CDK8: variants seen among roughly 807,000 people sequenced by gnomAD.
CDK8 encodes the protein cyclin dependent kinase 8.
In CDK8, 29 loss-of-function variants were observed where a neutral mutation model predicts 71.5. That is an observed-to-expected ratio of 0.41 (90% CI 0.30 to 0.55). The LOEUF is 0.55. Among genes scored for constraint, CDK8 ranks in the 20% least tolerant of loss-of-function variants. The probability of loss-of-function intolerance (pLI) is 0.37; values close to 1 mark genes in which losing one functional copy is unlikely to be tolerated. For missense variants in CDK8, 288 were observed against 572.6 expected (o/e 0.50, Z 5.07); for synonymous variants, 161 against 192.1 (o/e 0.84, Z 1.34).
intron 1 of CDK8, among the ~76,000 whole-genome samples, chr13:26,312,655 A>G (rs550923146): frequency 2.2e-4 from 33 of 152,292 alleles, no homozygotes; most frequent in Non-Finnish European, 3.4e-4. Flanking sequence ...ACTCACCTCT[A>G]GGGTCCGCGG....
intron 1 of CDK8, among the ~76,000 whole-genome samples, chr13:26,334,423 T>C (rs1303795652): frequency 6.6e-6 from 1 of 152,216 alleles, no homozygotes; most frequent in Non-Finnish European, 1.5e-5. Context: ...AATAGACTAT[T>C]CTGATTCCAA....
At chr13:26,397,851 G>A (rs1021851078) in intron 9 of CDK8, among the ~76,000 whole-genome samples, 5 of 152,138 alleles carry the variant, frequency 3.3e-5, no homozygotes, top group African/African-American at 9.7e-5. Flanking sequence ...AATTTCCATT[G>A]TTACAGCGTA....
rs576064399 is a variant in CDK8 at position 26,373,121 on chromosome 13, C to T, written c.457-9693C>T. 2.0e-4 allele frequency among the ~76,000 whole-genome samples: 30 copies of T among 152,272 alleles called. No individual in the cohort carries two copies. In the East Asian group the frequency reaches 3.9e-3, roughly 20 times the overall value. ...AGTAACCCTTTCCTCTGGCTAGTTC[C>T]TTCTCATCCTTCAATCCTTAAACGT... On this transcript the variant is annotated intron_variant, in intron 4 of 12. Coordinates refer to ENST00000381527, the MANE Select transcript of CDK8 (RefSeq NM_001260.3).
chr13:26,310,354 G>A (rs1327044143), intron 1 of CDK8, among the ~76,000 whole-genome samples: 1 of 152,066 alleles, frequency 6.6e-6, no homozygotes, highest in African/African-American at 2.4e-5. Flanking sequence ...TTGGCACCAG[G>A]GACTGGTTTT....
intron 1 of CDK8, among the ~76,000 whole-genome samples, chr13:26,294,045 A>G (rs757615982): frequency 1.6e-4 from 25 of 152,280 alleles, no homozygotes; most frequent in African/African-American, 2.9e-4. Flanking sequence ...CTTATTTCAC[A>G]TAACAACATA....
At chr13:26,355,621 TAAAAG>T (rs925701706) in intron 4 of CDK8, among the ~76,000 whole-genome samples, 1 of 151,936 alleles carries the variant, frequency 6.6e-6, no homozygotes, top group Non-Finnish European at 1.5e-5. Flanking sequence ...CTCTAAAAAA[TAAAAG>T]AAAACAAAAA....
chr13:26,338,797 G>A (rs1873100226), intron 2 of CDK8, among the ~76,000 whole-genome samples: 1 of 152,132 alleles, frequency 6.6e-6, no homozygotes, highest in Non-Finnish European at 1.5e-5. Flanking sequence ...GGTCAGTGGT[G>A]TTAGAAGTCA....
rs535593238 is a variant in CDK8 at position 26,273,592 on chromosome 13, CT to C, written c.128+18828del. Among the ~76,000 whole-genome samples the C allele has an allele frequency of 6.6e-5, 10 of 151,896 alleles. No individual in the cohort carries two copies. The South Asian group carries it at 2.1e-3, about 32-fold the overall frequency. On this transcript the variant is annotated intron_variant, in intron 1 of 12. Transcript: ENST00000381527. ...ATGATATACTTGGAACACAGTTTAA[CT>C]TTTTCTGTGCAGTTCAGACTAACTA...
At chr13:26,303,284 A>G (rs1873901146) in intron 1 of CDK8, among the ~76,000 whole-genome samples, 2 of 151,018 alleles carry the variant, frequency 1.3e-5, no homozygotes, top group South Asian at 4.2e-4. Flanking sequence ...TATTATTGGT[A>G]CTTGGATTAT....
intron 4 of CDK8, among the ~76,000 whole-genome samples, chr13:26,379,233 C>T (rs956642256): frequency 2.0e-5 from 3 of 152,264 alleles, no homozygotes; most frequent in South Asian, 4.1e-4. Flanking sequence ...CATGCCCAAA[C>T]GGAATCTGAA....
At chr13:26,339,209 A>C (rs1873119248) in intron 2 of CDK8, among the ~76,000 whole-genome samples, 1 of 152,036 alleles carries the variant, frequency 6.6e-6, no homozygotes, top group African/African-American at 2.4e-5. Flanking sequence ...CTGATTGTGA[A>C]AATATTTCCC....
chr13:26,330,539 C>A (rs2137962457), intron 1 of CDK8, among the ~76,000 whole-genome samples: 1 of 152,254 alleles, frequency 6.6e-6, no homozygotes, highest in South Asian at 2.1e-4. Flanking sequence ...TATGTTTATA[C>A]CCTTTAACCA....
In CDK8 at chr13:26,356,178, T is replaced by C. The variant is rs570681477; in HGVS notation, c.456+2298T>C. Among the ~76,000 whole-genome samples, 6 of 152,306 alleles carry C rather than the reference T, an allele frequency of 3.9e-5. No individual in the cohort carries two copies. The South Asian group carries it at 1.2e-3, about 32-fold the overall frequency. Reference sequence around the variant, plus strand: ...GCCCCCTAATATAGGCAACAAGGGATGCATTATCTGTAGATGATTTAAAAA... The same window carrying C: ...GCCCCCTAATATAGGCAACAAGGGACGCATTATCTGTAGATGATTTAAAAA... On this transcript the variant is annotated intron_variant, in intron 4 of 12. Transcript: ENST00000381527.
At chr13:26,383,522 C>A (rs947633902) in intron 5 of CDK8, among the ~76,000 whole-genome samples, 1 of 151,960 alleles carries the variant, frequency 6.6e-6, no homozygotes, top group Non-Finnish European at 1.5e-5. Flanking sequence ...TTTTCATTGT[C>A]ATTTCCAAGT....
chr13:26,370,133 AAAAG>A (rs1264194148), intron 4 of CDK8, among the ~76,000 whole-genome samples: 13 of 152,240 alleles, frequency 8.5e-5, no homozygotes, highest in Non-Finnish European at 1.6e-4. Flanking sequence ...AGAGTTGTGT[AAAAG>A]AAAGAACATT....
chr13:26,369,709 C>CTTTTTTTTTT (rs36116401), intron 4 of CDK8, among the ~76,000 whole-genome samples: 36 of 95,364 alleles, frequency 3.8e-4, no homozygotes, highest in African/African-American at 1.2e-3. Context: ...TTCTTTCTTT[C>CTTTTTTTTTT]TTTTTTTTTT....
intron 1 of CDK8, among the ~76,000 whole-genome samples, chr13:26,257,221 G>T (rs1327569937): frequency 6.6e-6 from 1 of 152,124 alleles, no homozygotes; most frequent in Non-Finnish European, 1.5e-5. Flanking sequence ...TCTATAAAAG[G>T]AAGTAACGCA....
chr13:26,302,171 T>C (rs1873851278), intron 1 of CDK8, among the ~76,000 whole-genome samples: 1 of 152,218 alleles, frequency 6.6e-6, no homozygotes, highest in Non-Finnish European at 1.5e-5. Context: ...AAAGTACCCA[T>C]AAAACACCCC....
intron 5 of CDK8, 43 bp from the exon 6 acceptor site, chr13:26,385,168 A>G: frequency 2.0e-6 from 3 of 1,528,850 alleles, no homozygotes; most frequent in Non-Finnish European, 2.7e-6. Flanking sequence ...TAGATTTGTA[A>G]AAATCATTTA....
Sources: gnomAD v4.1 joint callset for allele counts (sites outside exome capture counted in the v4.1 genomes callset) on GRCh38, gnomAD v4.1.1 for gene constraint, MANE v1.5 for transcripts, NCBI Gene and HGNC (gene_info 2026-07-23, HGNC 2026-07-21) for gene names.